Variants in DENND2B observed in about 807,000 individuals in gnomAD.
The protein encoded by DENND2B is DENN domain-containing protein 2B.
In DENND2B, 32 loss-of-function variants were observed where a neutral mutation model predicts 116.0. That is an observed-to-expected ratio of 0.28 (90% CI 0.21 to 0.37). The LOEUF (loss-of-function observed/expected upper bound fraction) is 0.37. DENND2B is among the 10% of genes least tolerant of loss of function. The pLI, the probability that DENND2B is intolerant of heterozygous loss-of-function variation, is 1.00. For synonymous variants in DENND2B, 588 were observed against 583.9 expected (o/e 1.01, Z -0.10); for missense variants, 1,276 against 1,477.7 (o/e 0.86, Z 2.24).
In DENND2B at chr11:8,717,991, A is replaced by G. The variant is rs561176889; in HGVS notation, c.1478-99T>C. ...AACAAGCAGAATTCCTGTGAACCAA[A>G]GAGAATGGCTTCTGCCTGGCCCCTC... On this transcript the variant is annotated intron_variant, in intron 4 of 19. Coordinates refer to ENST00000313726, the MANE Select transcript of DENND2B (RefSeq NM_213618.2). The G allele has an allele frequency of 1.3e-4, 191 of 1,415,252 alleles. 1 individual carries two copies. The East Asian group carries it at 4.4e-3, about 32-fold the overall frequency. 87.7% of individuals were successfully genotyped at this position (1,415,252 alleles called of 1,614,324 possible).
At chr11:8,832,739 G>C (rs1378299609) in intron 4 of DENND2B, among the ~76,000 whole-genome samples, 1 of 152,202 alleles carries the variant, frequency 6.6e-6, no homozygotes, top group Non-Finnish European at 1.5e-5. Context: ...CCTGGGCCCT[G>C]ACTGGGAGGC....
chr11:8,752,812 A>G (rs2052783092), intron 1 of DENND2B, among the ~76,000 whole-genome samples: 1 of 152,226 alleles, frequency 6.6e-6, no homozygotes. Context: ...GTTGGAAAGA[A>G]GGAAGTAAAA....
At chr11:8,864,305 T>G (rs1045700099) in intron 2 of DENND2B, among the ~76,000 whole-genome samples, 1 of 152,224 alleles carries the variant, frequency 6.6e-6, no homozygotes, top group African/African-American at 2.4e-5. Flanking sequence ...GCTCACTCTG[T>G]TGCTCAGGCT....
chr11:8,872,999 A>G (rs2063806402), upstream of DENND2B, among the ~76,000 whole-genome samples: 1 of 152,114 alleles, frequency 6.6e-6, no homozygotes, highest in Admixed American at 6.5e-5. Context: ...AATCTCTCCA[A>G]TCTCAAATTA....
chr11:8,776,141 TGC>T (rs1239818737), intron 1 of DENND2B: 2 of 162,566 alleles, frequency 1.2e-5, no homozygotes, highest in African/African-American at 8.3e-5. Context: ...GACACGCACG[TGC>T]GCGCACGCGC....
Position 8,696,447 on chromosome 11 carries a change from A to C in DENND2B, c.3272T>G (p.Leu1091Arg). 2 of 1,614,202 alleles carry C rather than the reference A, an allele frequency of 1.2e-6. No individual in the cohort carries two copies. Among genetic ancestry groups the C allele is most frequent in the Non-Finnish European group, 1.7e-6 (2 of 1,180,030 alleles). The change falls in exon 18 of 20, where the codon CTA becomes CGA. Residue 1091 changes from leucine to arginine, a missense_variant. Leu to Arg is a moderately radical substitution (Grantham distance 102, BLOSUM62 -2). This residue lies in a region of DENND2B where 420 missense variants were observed against 631.1 expected (regional missense o/e 0.67). Coordinates refer to ENST00000313726, the MANE Select transcript of DENND2B (RefSeq NM_213618.2). ...MFAGFIQDRE[L>R]RKCRAKGLFE... ...CTTACCCTTTGCCCGACACTTTCTT[A>C]GCTCCCTGTCTTGGATGAAGCCAGC...
chr11:8,719,004 G>A (rs949194326), intron 4 of DENND2B: 3 of 986,818 alleles, frequency 3.0e-6, no homozygotes, highest in Non-Finnish European at 2.4e-6. Flanking sequence ...CTGCTGCAGA[G>A]CAGGACTCAC....
At chr11:8,757,162 G>A (rs2053757305) in intron 1 of DENND2B, 1 of 451,774 alleles carries the variant, frequency 2.2e-6, no homozygotes, top group South Asian at 1.6e-5. Context: ...TGCTAGTTAT[G>A]TGACCTTGCT....
intron 4 of DENND2B, among the ~76,000 whole-genome samples, chr11:8,724,239 T>G (rs1266545880): frequency 6.6e-6 from 1 of 150,512 alleles, no homozygotes; most frequent in East Asian, 2.0e-4. Flanking sequence ...GAGCTTGCAG[T>G]GAGCCGAGAT....
chr11:8,717,768 G>T lies in DENND2B; in HGVS notation c.1602C>A (p.Asp534Glu). 1 of 1,594,736 alleles carries T rather than the reference G, an allele frequency of 6.3e-7. No individual in the cohort carries two copies. The highest frequency in any genetic ancestry group is 8.6e-7 in the Non-Finnish European group (1 of 1,167,056). The part of the protein sequence containing the change: ...DSLHRMWSPQ[D>E]RKYNSPPTQL... The stretch of plus-strand genomic sequence containing the variant: ...GTGTGGGCGGGCTGTTGTACTTCCT[G>T]TCCTGAGGACTCCACATCCTGTGCA... The change falls in exon 5 of 20, where the codon GAC (aspartate) becomes GAA (glutamate). Residue 534 changes from aspartate to glutamate, a missense_variant. By Grantham distance (45) the Asp-to-Glu change is conservative. Transcript: ENST00000313726.
Position 8,711,329 on chromosome 11 carries a change from A to C in DENND2B, c.2173-98T>G, listed in dbSNP as rs1565674830. 4.1e-6 allele frequency: 4 copies of C among 979,394 alleles called. No homozygotes were observed. The East Asian group carries it at 9.7e-5, about 24-fold the overall frequency. 60.7% of individuals were successfully genotyped at this position (979,394 alleles called of 1,614,324 possible). On this transcript the variant is annotated intron_variant, in intron 9 of 19. Transcript: ENST00000313726. Reference sequence around the variant, plus strand: ...CCCCTGAGGGCCCTAGATGCCACTGACTAGCGGGCATGATCTCAGCAACCC... The same window carrying C: ...CCCCTGAGGGCCCTAGATGCCACTGCCTAGCGGGCATGATCTCAGCAACCC...
In DENND2B at chr11:8,876,943, T is replaced by A. The variant is rs76155202; in HGVS notation, c.-156+4067A>T. ...AATAAGGCAGCTTGACTGCTGATGC[T>A]GGGCAGGCTGGATCTGAGAGTAAAT... On this transcript the variant is annotated intron_variant, in intron 2 of 22. Coordinates refer to the DENND2B transcript ENST00000534127. 5.6e-3 allele frequency among the ~76,000 whole-genome samples: 833 copies of A among 147,602 alleles called. 9 individuals carry two copies. The highest frequency in any genetic ancestry group is 0.019 in the African/African-American group (798 of 40,960).
At chr11:8,883,911 C>T (rs1409760281) in intron 1 of DENND2B, among the ~76,000 whole-genome samples, 1 of 152,214 alleles carries the variant, frequency 6.6e-6, no homozygotes, top group Non-Finnish European at 1.5e-5. Context: ...TGAATCTTTA[C>T]AAACCATTTG....
At chr11:8,746,135 G>A (rs1010727950) in intron 2 of DENND2B, among the ~76,000 whole-genome samples, 1 of 149,756 alleles carries the variant, frequency 6.7e-6, no homozygotes, top group Non-Finnish European at 1.5e-5. Flanking sequence ...GGCCTGCCAC[G>A]GCCAGGACAG....
chr11:8,714,892 C>A (rs1464139250), intron 6 of DENND2B, 186 bp from the exon 7 acceptor site: 9 of 579,576 alleles, frequency 1.6e-5, no homozygotes, highest in Non-Finnish European at 2.8e-5. Flanking sequence ...TGCATGGTAG[C>A]TCTCCATATA....
intron 2 of DENND2B, among the ~76,000 whole-genome samples, chr11:8,858,967 T>G (rs370246311): frequency 6.6e-6 from 1 of 152,302 alleles, no homozygotes; most frequent in East Asian, 1.9e-4. Flanking sequence ...TAAATGCTAG[T>G]ACTTCAAAGC....
At chr11:8,721,078 C>T (rs566315278) in intron 4 of DENND2B, among the ~76,000 whole-genome samples, 1 of 152,168 alleles carries the variant, frequency 6.6e-6, no homozygotes, top group African/African-American at 2.4e-5. Flanking sequence ...CTCAGCAAGC[C>T]CAGCTGGAGA....
At chr11:8,766,287 A>T (rs1403936643) in intron 1 of DENND2B, among the ~76,000 whole-genome samples, 3 of 152,052 alleles carry the variant, frequency 2.0e-5, no homozygotes, top group African/African-American at 7.2e-5. Context: ...AGTGGCTGGT[A>T]GAATAACCCC....
chr11:8,831,126 A>T (rs941212877), intron 4 of DENND2B, among the ~76,000 whole-genome samples: 1 of 152,180 alleles, frequency 6.6e-6, no homozygotes, highest in African/African-American at 2.4e-5. Flanking sequence ...GGAAGCCAAC[A>T]AACTGGGAGG....
Sources: gnomAD v4.1 joint callset for allele counts (sites outside exome capture counted in the v4.1 genomes callset) on GRCh38, gnomAD v4.1.1 for gene constraint, gnomAD v4.1.1 regional missense constraint, MANE v1.5 for transcripts, NCBI Gene and HGNC (gene_info 2026-07-23, HGNC 2026-07-21) for gene names.